ITGBL1: variants seen among roughly 807,000 people sequenced by gnomAD.
ITGBL1 encodes the protein integrin subunit beta like 1.
Under a neutral mutation model 68.5 loss-of-function variants are expected in ITGBL1, and 51 were observed. The ratio of observed to expected loss-of-function variants is 0.74; its 90% CI spans 0.59 to 0.94. ITGBL1 has a LOEUF of 0.94. Ranked by LOEUF, ITGBL1 falls within the 40% of genes least tolerant of loss-of-function variation. ITGBL1 has a pLI of 0.00. For missense variants in ITGBL1, 649 were observed against 647.4 expected, an observed-to-expected ratio of 1.00 and a Z score of -0.03; for synonymous variants, 209 against 227.3, an observed-to-expected ratio of 0.92 and a Z score of 0.72.
intron 7 of ITGBL1, among the ~76,000 whole-genome samples, chr13:101,665,380 G>A (rs1271553540): frequency 6.6e-6 from 1 of 151,564 alleles, no homozygotes; most frequent in African/African-American, 2.4e-5. Flanking sequence ...TTTTTTATAT[G>A]TTATTATAAA....
rs768409224 is a variant in ITGBL1, at chr13:101,715,701, G to C, written c.*47G>C. 1 of 1,293,182 alleles carries C rather than the reference G, an allele frequency of 7.7e-7. No individual in the cohort carries two copies. The highest frequency in any genetic ancestry group is 1.5e-5 in the African/African-American group (1 of 68,640). 80.1% of individuals were successfully genotyped at this position (1,293,182 alleles called of 1,614,324 possible). Reference sequence around the variant, plus strand: ...GATTCTTATTTTTTCTGGGCCATTAGAACAGATAAATGCGAAGGAAACCAT... The same window carrying C: ...GATTCTTATTTTTTCTGGGCCATTACAACAGATAAATGCGAAGGAAACCAT... On this transcript the variant is annotated 3_prime_UTR_variant, in exon 11 of 11. Coordinates refer to ENST00000376180, the MANE Select transcript of ITGBL1 (RefSeq NM_004791.3).
chr13:101,694,132 T>C (rs1566793868), intron 8 of ITGBL1, among the ~76,000 whole-genome samples: 1 of 152,198 alleles, frequency 6.6e-6, no homozygotes, highest in Non-Finnish European at 1.5e-5. Context: ...GATCGTTCCT[T>C]ATGTCAGTCA....
intron 7 of ITGBL1, among the ~76,000 whole-genome samples, chr13:101,622,137 C>T (rs763359425): frequency 6.6e-6 from 1 of 152,080 alleles, no homozygotes; most frequent in African/African-American, 2.4e-5. Context: ...TGTGATTAAA[C>T]TTTTGTTCTT....
At chr13:101,480,455 A>G (rs1395945615) in intron 2 of ITGBL1, among the ~76,000 whole-genome samples, 1 of 152,120 alleles carries the variant, frequency 6.6e-6, no homozygotes, top group East Asian at 1.9e-4. Flanking sequence ...CACAAATACT[A>G]GATGAATGTA....
intron 7 of ITGBL1, among the ~76,000 whole-genome samples, chr13:101,678,703 G>A (rs1403115754): frequency 6.6e-6 from 1 of 151,976 alleles, no homozygotes; most frequent in Non-Finnish European, 1.5e-5. Context: ...GTTTCACCAT[G>A]TTGGCCAGGC....
intron 7 of ITGBL1, among the ~76,000 whole-genome samples, chr13:101,633,237 G>C (rs1044630082): frequency 6.6e-6 from 1 of 152,162 alleles, no homozygotes; most frequent in African/African-American, 2.4e-5. Context: ...CCTCCATAAT[G>C]AATGTATCTA....
intron 7 of ITGBL1, among the ~76,000 whole-genome samples, chr13:101,607,176 A>T (rs1436270): frequency 0.2 from 29,702 of 151,976 alleles, 3,055 homozygotes; most frequent in Admixed American, 0.25. Context: ...ATACATTTTT[A>T]AAAATTTCCT....
intron 7 of ITGBL1, among the ~76,000 whole-genome samples, chr13:101,624,127 C>T (rs763740699): frequency 3.3e-4 from 50 of 152,276 alleles, no homozygotes; most frequent in Non-Finnish European, 6.0e-4. Flanking sequence ...GAAATCTGGG[C>T]TTGTTGAGCT....
At chr13:101,465,642 A>G (rs564699177) in intron 2 of ITGBL1, among the ~76,000 whole-genome samples, 2 of 152,328 alleles carry the variant, frequency 1.3e-5, no homozygotes, top group East Asian at 1.9e-4. Context: ...ATTAGGAGAC[A>G]GGAGAAACAG....
chr13:101,642,819 G>A (rs1443868141), intron 7 of ITGBL1, among the ~76,000 whole-genome samples: 2 of 151,770 alleles, frequency 1.3e-5, no homozygotes, highest in Non-Finnish European at 2.9e-5. Context: ...ATTAAATGTG[G>A]AATCCTTTCC....
In ITGBL1 at chr13:101,541,731, G is replaced by C. The variant is rs566488557; in HGVS notation, c.317-25968G>C. Among the ~76,000 whole-genome samples the C allele has an allele frequency of 8.5e-5, 13 of 152,228 alleles. No homozygotes were observed. The East Asian group carries it at 2.5e-3, about 29-fold the overall frequency. On this transcript the variant is annotated intron_variant, in intron 2 of 10. Coordinates refer to ENST00000376180, the MANE Select transcript of ITGBL1 (RefSeq NM_004791.3). Reference sequence around the variant, plus strand: ...GCTGTTAATTATTGCCTCAATTTCAGAGCCTATTATTGGTCTCTTCAGAGA... The same window carrying C: ...GCTGTTAATTATTGCCTCAATTTCACAGCCTATTATTGGTCTCTTCAGAGA...
At chr13:101,685,150 G>A (rs2033726749) in intron 7 of ITGBL1, among the ~76,000 whole-genome samples, 1 of 151,854 alleles carries the variant, frequency 6.6e-6, no homozygotes, top group Non-Finnish European at 1.5e-5. Context: ...AGTTTGATTG[G>A]TACAATATTG....
chr13:101,516,411 A>G (rs549916139), intron 2 of ITGBL1, among the ~76,000 whole-genome samples: 4 of 152,316 alleles, frequency 2.6e-5, no homozygotes, highest in African/African-American at 7.2e-5. Context: ...TCAGAATCAC[A>G]TAGTAACAAA....
At chr13:101,692,555 A>T (rs571972592) in intron 7 of ITGBL1, 30 bp from the exon 8 acceptor site, 2 of 1,461,966 alleles carry the variant, frequency 1.4e-6, no homozygotes, top group South Asian at 2.3e-5. Context: ...GACTCTCCTC[A>T]TAAGTGTGCA....
intron 7 of ITGBL1, among the ~76,000 whole-genome samples, chr13:101,640,591 A>G: frequency 6.6e-6 from 1 of 152,120 alleles, no homozygotes; most frequent in East Asian, 1.9e-4. Flanking sequence ...GTGGTCTTTA[A>G]ATTTTTTTAA....
chr13:101,518,047 C>T (rs769835122), intron 2 of ITGBL1, among the ~76,000 whole-genome samples: 6 of 152,118 alleles, frequency 3.9e-5, no homozygotes, highest in Non-Finnish European at 5.9e-5. Context: ...TTTTCCTCTT[C>T]GGTCTTCTCC....
intron 6 of ITGBL1, among the ~76,000 whole-genome samples, chr13:101,592,602 T>C (rs1344087392): frequency 6.6e-6 from 1 of 152,070 alleles, no homozygotes; most frequent in African/African-American, 2.4e-5. Flanking sequence ...ACAGATTCGT[T>C]GCAATTCCTA....
chr13:101,685,628 T>A (rs2033737345), intron 7 of ITGBL1, among the ~76,000 whole-genome samples: 1 of 152,118 alleles, frequency 6.6e-6, no homozygotes, highest in African/African-American at 2.4e-5. Flanking sequence ...TTATTATATA[T>A]ACCTGTTGGC....
chr13:101,554,217 A>C (rs1409226248), intron 2 of ITGBL1, among the ~76,000 whole-genome samples: 1 of 152,212 alleles, frequency 6.6e-6, no homozygotes, highest in East Asian at 1.9e-4. Flanking sequence ...CTAAGTTTTC[A>C]ATATATGAAT....
Sources: allele counts gnomAD v4.1 joint callset (sites outside exome capture counted in the v4.1 genomes callset), GRCh38; gene constraint gnomAD v4.1.1; transcripts MANE v1.5; gene names NCBI Gene and HGNC (gene_info 2026-07-23, HGNC 2026-07-21).